Variants in SMARCAD1 observed in about 807,000 individuals in gnomAD.
SMARCAD1 encodes SWI/SNF-related matrix-associated actin-dependent regulator of chromatin subfamily A containing DEAD/H box 1.
A neutral mutation model predicts 127.1 loss-of-function variants in SMARCAD1; 25 were observed. The observed-to-expected ratio is 0.20, with a 90% confidence interval of 0.14 to 0.27. The LOEUF (loss-of-function observed/expected upper bound fraction) is 0.27. Ranked by LOEUF, SMARCAD1 falls within the 10% of genes least tolerant of loss-of-function variation. The pLI is 1.00. For missense variants in SMARCAD1, 807 were observed against 1,206.0 expected (o/e 0.67, Z 4.90); for synonymous variants, 400 against 396.9 (o/e 1.01, Z -0.09).
At chr4:94,285,376 T>TA (rs1231351683) in intron 23 of SMARCAD1, among the ~76,000 whole-genome samples, 1 of 152,182 alleles carries the variant, frequency 6.6e-6, no homozygotes, top group Non-Finnish European at 1.5e-5. Flanking sequence ...TGACAAGTGT[T>TA]AGCCTTTTGT....
intron 3 of SMARCAD1, among the ~76,000 whole-genome samples, chr4:94,229,204 C>T (rs1046704010): frequency 2.0e-5 from 3 of 152,062 alleles, no homozygotes; most frequent in South Asian, 2.1e-4. Flanking sequence ...TAGTCCTATT[C>T]GCTAGCCAGC....
chr4:94,249,581 CA>C (rs1304695151), intron 6 of SMARCAD1, 72 bp from the exon 7 acceptor site: 2 of 816,682 alleles, frequency 2.4e-6, no homozygotes, highest in East Asian at 4.9e-5. Context: ...AGTCAAAATA[CA>C]ATGATAATTG....
At chr4:94,266,848 G>A (rs79576252) in intron 10 of SMARCAD1, among the ~76,000 whole-genome samples, 5,686 of 151,918 alleles carry the variant, frequency 0.037, 146 homozygotes, top group Non-Finnish European at 0.05. Flanking sequence ...CAAATATTCC[G>A]GAATTCCTTG....
intron 2 of SMARCAD1, among the ~76,000 whole-genome samples, chr4:94,220,061 C>T (rs1426481873): frequency 2.6e-5 from 4 of 152,104 alleles, no homozygotes; most frequent in Non-Finnish European, 5.9e-5. Context: ...TGCCTATTTG[C>T]TTTGAATTAA....
At chr4:94,276,996 A>T in intron 15 of SMARCAD1, 26 bp from the exon 16 acceptor site, 1 of 1,613,580 alleles carries the variant, frequency 6.2e-7, no homozygotes, top group Non-Finnish European at 8.5e-7. Context: ...AGAAAAAGCT[A>T]ATATAAATTT....
intron 11 of SMARCAD1, 59 bp downstream of exon 11, chr4:94,270,877 C>T: frequency 6.6e-7 from 1 of 1,512,366 alleles, no homozygotes. Context: ...GGTATTCTTG[C>T]TGTCATTTAA....
At chr4:94,262,019 A>G (rs1407459530) in intron 9 of SMARCAD1, among the ~76,000 whole-genome samples, 2 of 151,966 alleles carry the variant, frequency 1.3e-5, no homozygotes, top group Non-Finnish European at 2.9e-5. Context: ...TGTCTTTTTA[A>G]ATGCTTCTAA....
intron 12 of SMARCAD1, 55 bp downstream of exon 12, chr4:94,273,771 A>T: frequency 7.2e-7 from 1 of 1,391,968 alleles, no homozygotes; most frequent in Non-Finnish European, 1.0e-6. Context: ...ATATAGGTAG[A>T]AGAGAGTGTG....
intron 5 of SMARCAD1, 81 bp downstream of exon 5, chr4:94,237,099 A>G (rs1746784006): frequency 8.9e-7 from 1 of 1,126,882 alleles, no homozygotes; most frequent in East Asian, 2.4e-5. Flanking sequence ...ATTGCTCCAC[A>G]GTTTATCAAA....
At position 94,290,852 on chromosome 4, in the gene SMARCAD1, C is replaced by G; in HGVS notation, c.*1318C>G. ...GTTAATTTTTGGAAATCATGCTTTT[C>G]AAAGCATCCTAACTTGCTAAGATGC... is the stretch of plus-strand genomic sequence containing the variant. On this transcript the variant is annotated 3_prime_UTR_variant, in exon 24 of 24. Coordinates refer to ENST00000354268, the MANE Select transcript of SMARCAD1 (RefSeq NM_020159.5). 1 of 444,306 alleles carries G rather than the reference C, an allele frequency of 2.3e-6. No individual in the cohort carries two copies. Among genetic ancestry groups the G allele is most frequent in the Non-Finnish European group, 4.5e-6 (1 of 222,970 alleles). The allele number at this position is 444,306 out of a possible 1,614,324, so 27.5% of individuals were successfully genotyped here.
chr4:94,290,669 T>A lies in SMARCAD1; in HGVS notation c.*1135T>A, dbSNP rs1465312807. 2.2e-6 allele frequency: 1 copy of A among 450,768 alleles called. No homozygotes were observed. The highest frequency in any genetic ancestry group is 4.4e-6 in the Non-Finnish European group (1 of 225,544). 27.9% of individuals were successfully genotyped at this position (450,768 alleles called of 1,614,324 possible). On this transcript the variant is annotated 3_prime_UTR_variant, in exon 24 of 24. Coordinates refer to ENST00000354268, the MANE Select transcript of SMARCAD1 (RefSeq NM_020159.5). The stretch of plus-strand genomic sequence containing the variant: ...GAAGTGAAGTTGTCTATTTGATATT[T>A]AACTCTTTATTAAATCTTTCTTTAA...
chr4:94,208,742 A>G (rs927896553), intron 2 of SMARCAD1, among the ~76,000 whole-genome samples, 158 bp downstream of exon 2: 1 of 152,178 alleles, frequency 6.6e-6, no homozygotes, highest in Non-Finnish European at 1.5e-5. Context: ...CATAAGCACC[A>G]TGTACCCTCA....
chr4:94,267,305 T>C (rs1751872227), intron 10 of SMARCAD1, among the ~76,000 whole-genome samples: 4 of 152,174 alleles, frequency 2.6e-5, no homozygotes. Context: ...GATGTAAATG[T>C]TTAGTTTGAA....
At chr4:94,215,671 T>C (rs1024741680) in intron 2 of SMARCAD1, among the ~76,000 whole-genome samples, 1 of 151,994 alleles carries the variant, frequency 6.6e-6, no homozygotes, top group Non-Finnish European at 1.5e-5. Flanking sequence ...TTTTAGTCAT[T>C]GTCACTTCAC....
At chr4:94,254,878 A>C (rs933933108) in intron 9 of SMARCAD1, among the ~76,000 whole-genome samples, 3 of 152,082 alleles carry the variant, frequency 2.0e-5, no homozygotes, top group Non-Finnish European at 4.4e-5. Flanking sequence ...AACCTTTAGA[A>C]TTTTAAATGT....
chr4:94,214,431 T>TG (rs1457648075), intron 2 of SMARCAD1, among the ~76,000 whole-genome samples: 1 of 151,456 alleles, frequency 6.6e-6, no homozygotes, highest in Non-Finnish European at 1.5e-5. Flanking sequence ...CGGGCTAATT[T>TG]TTTTTTTTTG....
At chr4:94,262,193 A>C (rs1751095555) in intron 9 of SMARCAD1, among the ~76,000 whole-genome samples, 1 of 152,176 alleles carries the variant, frequency 6.6e-6, no homozygotes, top group Non-Finnish European at 1.5e-5. Context: ...TTATTTAACT[A>C]ACCACTGGCT....
At chr4:94,261,572 G>T (rs1750985579) in intron 9 of SMARCAD1, among the ~76,000 whole-genome samples, 1 of 152,158 alleles carries the variant, frequency 6.6e-6, no homozygotes, top group Admixed American at 6.5e-5. Context: ...TTACCATGTG[G>T]TGTATTTTAT....
intron 2 of SMARCAD1, among the ~76,000 whole-genome samples, chr4:94,211,130 G>C (rs2125783488): frequency 6.6e-6 from 1 of 151,868 alleles, no homozygotes; most frequent in East Asian, 1.9e-4. Context: ...AAATTAGCTG[G>C]GCATGGTGGT....
Sources: allele counts gnomAD v4.1 joint callset (sites outside exome capture counted in the v4.1 genomes callset), GRCh38; gene constraint gnomAD v4.1.1; transcripts MANE v1.5; gene names NCBI Gene and HGNC (gene_info 2026-07-23, HGNC 2026-07-21).